The following PADI6 variants were observed in gnomAD, a reference collection of about 807,000 sequenced individuals.
PADI6 encodes the protein peptidyl arginine deiminase 6, also known as inactive protein-arginine deiminase type-6.
A neutral mutation model predicts 78.2 loss-of-function variants in PADI6; 66 were observed. The ratio of observed to expected loss-of-function variants is 0.84; its 90% CI spans 0.69 to 1.04. The LOEUF is 1.04. Ranked by LOEUF, PADI6 falls within the 50% of genes least tolerant of loss-of-function variation. PADI6 has a pLI of 0.00. For synonymous variants in PADI6, 397 were observed against 346.9 expected, an observed-to-expected ratio of 1.14 and a Z score of -1.60; for missense variants, 854 against 866.1, an observed-to-expected ratio of 0.99 and a Z score of 0.18.
rs112230108 is a variant in PADI6 at position 17,387,526 on chromosome 1, G to A, written c.680-855G>A. Among the ~76,000 whole-genome samples, 301 of 152,170 alleles carry A rather than the reference G, an allele frequency of 2.0e-3. 4 individuals are homozygous for A. The highest frequency in any genetic ancestry group is 6.9e-3 in the African/African-American group (288 of 41,512). ...CACTTTGGGAGGTCCGAGGTAGGCA[G>A]ATCACGAGGTCAGGAGATCAAGACC... On this transcript the variant is annotated intron_variant, in intron 6 of 15. Coordinates refer to ENST00000619609, the MANE Select transcript of PADI6 (RefSeq NM_207421.4).
rs746005187 is a variant in PADI6 at position 17,372,376 on chromosome 1, G to T, written c.116+15G>T. ...GATCTCAGCGGGTGAGATGCTGGGA[G>T]CTCTGCCAGAGGTGGCAGGCAGACA... On this transcript the variant is annotated intron_variant, in intron 1 of 15. Transcript: ENST00000619609. The T allele has an allele frequency of 2.2e-5, 35 of 1,612,102 alleles. No individual in the cohort carries two copies. The East Asian group carries it at 7.1e-4, about 33-fold the overall frequency.
intron 7 of PADI6, 85 bp downstream of exon 7, chr1:17,388,644 G>A: frequency 2.7e-6 from 4 of 1,467,906 alleles, no homozygotes; most frequent in Non-Finnish European, 3.7e-6. Flanking sequence ...AGAGCTTGAG[G>A]TTTGCTGGGG....
At chr1:17,387,462 G>GC (rs370134347) in intron 6 of PADI6, among the ~76,000 whole-genome samples, 1 of 150,570 alleles carries the variant, frequency 6.6e-6, no homozygotes, top group Non-Finnish European at 1.5e-5. Flanking sequence ...AAAAGGAGGG[G>GC]GGGGGGCCAG....
intron 3 of PADI6, among the ~76,000 whole-genome samples, chr1:17,379,335 C>T (rs894337177): frequency 6.7e-6 from 1 of 149,868 alleles, no homozygotes; most frequent in Non-Finnish European, 1.5e-5. Flanking sequence ...AGGATGGTCT[C>T]GATCTCCTGA....
intron 6 of PADI6, among the ~76,000 whole-genome samples, 174 bp downstream of exon 6, chr1:17,382,266 C>A (rs2075079886): frequency 6.6e-6 from 1 of 152,226 alleles, no homozygotes; most frequent in South Asian, 2.1e-4. Flanking sequence ...CTGCCACCTT[C>A]CCCATAGGCT....
In PADI6 at chr1:17,387,461, G is replaced by GGT. The variant is rs113856198; in HGVS notation, c.680-919_680-918insTG. ...CTCCACCTCAAAAAAGAAAAGGAGG[G>GGT]GGGGGGGCCAGGCGTGGTAGCTCAC... On this transcript the variant is annotated intron_variant, in intron 6 of 15. Transcript: ENST00000619609. Among the ~76,000 whole-genome samples the GGT allele has an allele frequency of 2.0e-3, 300 of 151,468 alleles. 4 individuals are homozygous for GGT. The highest frequency in any genetic ancestry group is 7.0e-3 in the African/African-American group (287 of 41,188).
At chr1:17,400,528 GTTT>G (rs1034020363) in intron 15 of PADI6, among the ~76,000 whole-genome samples, 1 of 152,026 alleles carries the variant, frequency 6.6e-6, no homozygotes, top group Non-Finnish European at 1.5e-5. Flanking sequence ...GTTTGTTTTT[GTTT>G]TTTAAATTCT....
chr1:17,379,111 A>ATTTTTTTTTTTTTTTTTTTTTTTTTTTT (rs144547124), intron 3 of PADI6, among the ~76,000 whole-genome samples: 12 of 100,806 alleles, frequency 1.2e-4, no homozygotes, highest in African/African-American at 2.9e-4. Flanking sequence ...TGCCCAGTTA[A>ATTTTTTTTTTTTTTTTTTTTTTTTTTTT]TTTTTTTTTT....
chr1:17,397,065 C>CT lies in PADI6; in HGVS notation c.1619-5dup, dbSNP rs1278816683. ...CAGCAGGCCTGCTGCCCGCTTCTTC[C>CT]TACAGGAAGGGAAGCCAAAACCATC... On this transcript the variant is annotated splice_polypyrimidine_tract_variant and splice_region_variant and intron_variant, in intron 13 of 15. Transcript: ENST00000619609. 4 of 1,613,486 alleles carry CT rather than the reference C, an allele frequency of 2.5e-6. No homozygotes were observed. Among genetic ancestry groups the CT allele is most frequent in the East Asian group, 2.2e-5 (1 of 44,884 alleles).
intron 2 of PADI6, among the ~76,000 whole-genome samples, chr1:17,374,964 G>T (rs529094353): frequency 6.6e-6 from 1 of 152,238 alleles, no homozygotes; most frequent in East Asian, 1.9e-4. Context: ...CTTCACCTGG[G>T]TGTCCTTCTT....
intron 13 of PADI6, 67 bp from the exon 14 acceptor site, chr1:17,397,004 T>C (rs886161044): frequency 8.0e-6 from 12 of 1,505,624 alleles, no homozygotes; most frequent in Admixed American, 5.3e-5. Flanking sequence ...CTGGCCCGAG[T>C]GTGCCCAGCT....
chr1:17,375,355 C>T, intron 2 of PADI6, 72 bp from the exon 3 acceptor site: 33 of 1,398,936 alleles, frequency 2.4e-5, no homozygotes, highest in Non-Finnish European at 3.1e-5. Context: ...AGACTCGGCA[C>T]ATGGCCTGGG....
intron 10 of PADI6, 97 bp downstream of exon 10, chr1:17,394,179 G>C: frequency 6.6e-7 from 1 of 1,513,374 alleles, no homozygotes; most frequent in Non-Finnish European, 9.0e-7. Context: ...AGAGGGCCCA[G>C]GTGGCCTCTG....
Position 17,395,660 on chromosome 1 carries a change from A to G in PADI6, c.1615A>G (p.Asn539Asp). The G allele has an allele frequency of 6.2e-7, 1 of 1,611,256 alleles. No individual in the cohort carries two copies. Among genetic ancestry groups the G allele is most frequent in the Non-Finnish European group, 8.5e-7 (1 of 1,178,636 alleles). The change falls in exon 13 of 16, where the codon AAT becomes GAT. Residue 539 changes from asparagine (N) to aspartate (D), a missense_variant. By Grantham distance (23) the Asn-to-Asp change is conservative. Transcript: ENST00000619609. The stretch of plus-strand genomic sequence containing the variant: ...GCTTAGAGCAGATCAGCTCCTGTCT[A>G]ATGGTAAGGGAACTCCCTTTCCACA... ...DELRADQLLS[N>D]GREAKTIDQL...
chr1:17,398,990 C>A (rs181850073), intron 15 of PADI6, 143 bp downstream of exon 15: 7 of 964,830 alleles, frequency 7.3e-6, no homozygotes, highest in East Asian at 5.3e-5. Context: ...CCTTCTCCCC[C>A]ATCTCGGTTA....
At chr1:17,382,955 T>A (rs1292951207) in intron 6 of PADI6, among the ~76,000 whole-genome samples, 1 of 152,134 alleles carries the variant, frequency 6.6e-6, no homozygotes, top group Admixed American at 6.6e-5. Context: ...AACTGGCTAA[T>A]TTGCTTTTCT....
At chr1:17,386,002 A>G (rs1177692308) in intron 6 of PADI6, among the ~76,000 whole-genome samples, 3 of 152,144 alleles carry the variant, frequency 2.0e-5, no homozygotes, top group Non-Finnish European at 4.4e-5. Flanking sequence ...AGATGGACAG[A>G]CAGTCGAGGA....
intron 9 of PADI6, among the ~76,000 whole-genome samples, chr1:17,392,588 C>T (rs965926918): frequency 2.0e-5 from 3 of 152,202 alleles, no homozygotes; most frequent in Middle Eastern, 3.2e-3. Flanking sequence ...CCCCGGTCAG[C>T]CTTCGGTTCT....
At position 17,397,638 on chromosome 1, in the gene PADI6, C is replaced by T. The variant is rs7553780; in HGVS notation, c.1689+497C>T. Among the ~76,000 whole-genome samples, 238 of 152,172 alleles carry T rather than the reference C, an allele frequency of 1.6e-3. 1 individual carries two copies. The highest frequency in any genetic ancestry group is 4.9e-3 in the African/African-American group (202 of 41,554). On this transcript the variant is annotated intron_variant, in intron 14 of 15. Transcript: ENST00000619609. ...AGCCAATGATGGCCCAAGCATTTTG[C>T]GAGATACCTCACTACAAACCCTGCA... is the stretch of plus-strand genomic sequence containing the variant.
Sources: gnomAD v4.1 joint callset for allele counts (sites outside exome capture counted in the v4.1 genomes callset) on GRCh38, gnomAD v4.1.1 for gene constraint, MANE v1.5 for transcripts, NCBI Gene and HGNC (gene_info 2026-07-23, HGNC 2026-07-21) for gene names.